Variants in GRM5 observed in about 807,000 individuals in gnomAD.
GRM5 encodes the protein glutamate metabotropic receptor 5.
Under a neutral mutation model 83.1 loss-of-function variants are expected in GRM5, and 19 were observed. The observed-to-expected ratio is 0.23, with a 90% CI of 0.16 to 0.34. The LOEUF is 0.34. Among genes scored for constraint, GRM5 ranks in the 10% least tolerant of loss-of-function variants. The pLI, the probability that GRM5 is intolerant of heterozygous loss-of-function variation, is 1.00. For synonymous variants in GRM5, 675 were observed against 633.6 expected, an observed-to-expected ratio of 1.07 and a Z score of -0.98; for missense variants, 1,160 against 1,588.3, an observed-to-expected ratio of 0.73 and a Z score of 4.58.
At chr11:88,762,762 CA>C (rs1942549997) in intron 3 of GRM5, among the ~76,000 whole-genome samples, 1 of 151,868 alleles carries the variant, frequency 6.6e-6, no homozygotes, top group African/African-American at 2.4e-5. Flanking sequence ...GACATGGAGT[CA>C]ACCTAAATGG....
chr11:88,793,525 TA>T (rs1301563296), intron 3 of GRM5, among the ~76,000 whole-genome samples: 1 of 152,190 alleles, frequency 6.6e-6, no homozygotes, highest in Admixed American at 6.5e-5. Context: ...TTCTTCTTTT[TA>T]TAAGACACAG....
intron 3 of GRM5, among the ~76,000 whole-genome samples, chr11:88,659,408 C>T (rs1003462433): frequency 1.3e-4 from 20 of 152,208 alleles, no homozygotes; most frequent in African/African-American, 4.6e-4. Context: ...TAACAATGTT[C>T]GTACCTGTGG....
intron 2 of GRM5, among the ~76,000 whole-genome samples, chr11:88,882,597 C>T (rs573946323): frequency 2.6e-5 from 4 of 151,686 alleles, no homozygotes; most frequent in African/African-American, 9.7e-5. Flanking sequence ...TGAAATTCAC[C>T]TCTCATTCAG....
chr11:88,878,191 C>A (rs999336843), intron 2 of GRM5, among the ~76,000 whole-genome samples: 6 of 152,056 alleles, frequency 3.9e-5, no homozygotes, highest in African/African-American at 1.4e-4. Context: ...AGATGTTCTT[C>A]GATAGGTGAA....
At chr11:88,666,396 G>A (rs1263982320) in intron 3 of GRM5, among the ~76,000 whole-genome samples, 1 of 152,260 alleles carries the variant, frequency 6.6e-6, no homozygotes, top group Admixed American at 6.5e-5. Context: ...AACTTGAGAG[G>A]TGTTCTGACT....
intron 2 of GRM5, among the ~76,000 whole-genome samples, chr11:88,908,620 T>G (rs958084066): frequency 6.6e-6 from 1 of 152,194 alleles, no homozygotes; most frequent in African/African-American, 2.4e-5. Flanking sequence ...ATTTTCAGCT[T>G]CTTATCCTAT....
At chr11:88,630,704 A>G (rs1401835590) in intron 4 of GRM5, among the ~76,000 whole-genome samples, 1 of 151,640 alleles carries the variant, frequency 6.6e-6, no homozygotes, top group African/African-American at 2.4e-5. Flanking sequence ...TCAGCCTCCC[A>G]AGTGTCTAGT....
chr11:88,677,678 A>T (rs1414758588), intron 3 of GRM5, among the ~76,000 whole-genome samples: 2 of 152,120 alleles, frequency 1.3e-5, no homozygotes, highest in Non-Finnish European at 2.9e-5. Context: ...ATCTACAATG[A>T]ATTTTCCATT....
chr11:88,605,005 C>G, intron 4 of GRM5, 41 bp from the exon 5 acceptor site: 1 of 1,550,086 alleles, frequency 6.5e-7, no homozygotes, highest in Non-Finnish European at 8.9e-7. Context: ...AGGTACAAAT[C>G]TACTCTCGCG....
chr11:89,052,739 T>C (rs1310093004), intron 1 of GRM5, among the ~76,000 whole-genome samples: 1 of 152,198 alleles, frequency 6.6e-6, no homozygotes, highest in East Asian at 1.9e-4. Flanking sequence ...GCTTGAGCGT[T>C]CCAAATCCTA....
chr11:89,040,569 C>G (rs1423790333), intron 2 of GRM5, among the ~76,000 whole-genome samples: 1 of 152,162 alleles, frequency 6.6e-6, no homozygotes, highest in Non-Finnish European at 1.5e-5. Flanking sequence ...CACGTGGTCA[C>G]ATGTGCTTGT....
At chr11:88,766,840 TAAAC>T (rs1375106805) in intron 3 of GRM5, among the ~76,000 whole-genome samples, 6 of 151,912 alleles carry the variant, frequency 3.9e-5, no homozygotes, top group African/African-American at 1.4e-4. Flanking sequence ...ACAAGGAAGT[TAAAC>T]AAATTCACAA....
intron 4 of GRM5, among the ~76,000 whole-genome samples, chr11:88,611,357 G>A (rs566400419): frequency 6.6e-6 from 1 of 152,128 alleles, no homozygotes; most frequent in East Asian, 1.9e-4. Context: ...GACATTTTTT[G>A]GCTGGTAGGC....
chr11:88,888,568 A>G (rs1042665494), intron 2 of GRM5, among the ~76,000 whole-genome samples: 1 of 152,188 alleles, frequency 6.6e-6, no homozygotes, highest in Non-Finnish European at 1.5e-5. Flanking sequence ...CTTGGCTTAC[A>G]GTTGAGCTGG....
At chr11:89,061,653 T>A (rs1392133832) in intron 1 of GRM5, among the ~76,000 whole-genome samples, 1 of 152,200 alleles carries the variant, frequency 6.6e-6, no homozygotes, top group Non-Finnish European at 1.5e-5. Flanking sequence ...ATTTTTCAAT[T>A]TCCCCCTGGG....
chr11:88,758,156 C>CTAAG (rs1382180981), intron 3 of GRM5, among the ~76,000 whole-genome samples: 1 of 152,196 alleles, frequency 6.6e-6, no homozygotes, highest in Admixed American at 6.5e-5. Flanking sequence ...CACAAGAACT[C>CTAAG]TAAGTCAGAA....
At chr11:89,064,957 T>C (rs1025900272) in intron 1 of GRM5, among the ~76,000 whole-genome samples, 8 of 124,528 alleles carry the variant, frequency 6.4e-5, no homozygotes, top group African/African-American at 2.1e-4. Flanking sequence ...AGAGATATTA[T>C]TTTTGCCAAA....
intron 2 of GRM5, among the ~76,000 whole-genome samples, chr11:88,976,504 G>T (rs1246096276): frequency 1.3e-5 from 2 of 150,054 alleles, no homozygotes; most frequent in Admixed American, 6.7e-5. Context: ...TGGGGTTGTT[G>T]TAAGAAAATT....
At chr11:88,529,181 C>T (rs1941950514) in intron 8 of GRM5, among the ~76,000 whole-genome samples, 1 of 151,784 alleles carries the variant, frequency 6.6e-6, no homozygotes, top group Non-Finnish European at 1.5e-5. Flanking sequence ...AAACCGTTTA[C>T]TGAATAGTCC....
Sources: gnomAD v4.1 joint callset for allele counts (sites outside exome capture counted in the v4.1 genomes callset) on GRCh38, gnomAD v4.1.1 for gene constraint, MANE v1.5 for transcripts, NCBI Gene and HGNC (gene_info 2026-07-23, HGNC 2026-07-21) for gene names.